CCDC85A: variants seen among roughly 807,000 people sequenced by gnomAD.
CCDC85A encodes coiled-coil domain containing 85A, also known as coiled-coil domain-containing protein 85A.
A neutral mutation model predicts 50.2 loss-of-function variants in CCDC85A; 38 were observed. The ratio of observed to expected loss-of-function variants is 0.76; its 90% CI spans 0.58 to 0.99. The LOEUF (loss-of-function observed/expected upper bound fraction) is 0.99. Among genes scored for constraint, CCDC85A ranks in the 50% least tolerant of loss-of-function variants. The pLI is 0.00. For synonymous variants in CCDC85A, 366 were observed against 301.4 expected, an observed-to-expected ratio of 1.21 and a Z score of -2.22; for missense variants, 820 against 742.0, an observed-to-expected ratio of 1.11 and a Z score of -1.22.
intron 2 of CCDC85A, among the ~76,000 whole-genome samples, chr2:56,262,477 C>T (rs376554106): frequency 6.6e-6 from 1 of 152,094 alleles, no homozygotes. Flanking sequence ...ATGAGAAGCC[C>T]TGGATTGTGA....
chr2:56,358,638 A>T (rs1481988314), intron 3 of CCDC85A, among the ~76,000 whole-genome samples: 1 of 152,228 alleles, frequency 6.6e-6, no homozygotes, highest in Non-Finnish European at 1.5e-5. Context: ...GTAAATGAAC[A>T]AGTGTGGCTG....
chr2:56,266,576 G>GCCC lies in CCDC85A; in HGVS notation c.1240+73137_1240+73138insCCC, dbSNP rs1445113304. 2.3e-4 allele frequency among the ~76,000 whole-genome samples: 14 copies of GCCC among 61,626 alleles called. 1 individual carries two copies. Among genetic ancestry groups the GCCC allele is most frequent in the East Asian group, 1.8e-3 (2 of 1,112 alleles). The allele number at this position is 61,626 out of a possible 152,430, so 40.4% of individuals were successfully genotyped here. On this transcript the variant is annotated intron_variant, in intron 2 of 5. Coordinates refer to ENST00000407595, the MANE Select transcript of CCDC85A (RefSeq NM_001080433.2). ...TATATAATTGTCAATTAACAATAAC[G>GCCC]CGCCCCCCCCCCCCATAATCTTCTT...
chr2:56,259,662 G>A (rs1011671641), intron 2 of CCDC85A, among the ~76,000 whole-genome samples: 1 of 152,148 alleles, frequency 6.6e-6, no homozygotes, highest in African/African-American at 2.4e-5. Flanking sequence ...TCAAAACTCT[G>A]CCTGCCTGGC....
In CCDC85A at chr2:56,256,850, G is replaced by T. The variant is rs1558609259; in HGVS notation, c.1240+63410G>T. The stretch of plus-strand genomic sequence containing the variant: ...CTGAAAAGATTAAAAAGTAAATCAG[G>T]TTCCAGTTGTAAAGTGTTGCTGAAT... On this transcript the variant is annotated intron_variant, in intron 2 of 5. Transcript: ENST00000407595. Among the ~76,000 whole-genome samples the T allele has an allele frequency of 3.3e-5, 5 of 152,182 alleles. No individual in the cohort carries two copies. In the South Asian group the frequency reaches 1.0e-3, roughly 32 times the overall value.
intron 2 of CCDC85A, among the ~76,000 whole-genome samples, chr2:56,339,718 T>G (rs1674261206): frequency 6.6e-6 from 1 of 152,172 alleles, no homozygotes. Flanking sequence ...CTGATGAACT[T>G]TTCACTTGGA....
chr2:56,285,480 T>C (rs1295932436), intron 2 of CCDC85A, among the ~76,000 whole-genome samples: 1 of 140,478 alleles, frequency 7.1e-6, no homozygotes, highest in Non-Finnish European at 1.5e-5. Context: ...TTATATTATA[T>C]TAATATTACA....
At chr2:56,328,490 C>T (rs763438125) in intron 2 of CCDC85A, among the ~76,000 whole-genome samples, 13 of 152,154 alleles carry the variant, frequency 8.5e-5, no homozygotes, top group South Asian at 2.1e-4. Context: ...AACAGCTCTT[C>T]GCTGTGGACT....
intron 2 of CCDC85A, among the ~76,000 whole-genome samples, chr2:56,263,661 G>C (rs1670313454): frequency 1.3e-5 from 2 of 152,210 alleles, no homozygotes; most frequent in Non-Finnish European, 2.9e-5. Flanking sequence ...AAAGATGAGT[G>C]GGATGACGTA....
rs148379166 is a variant in CCDC85A at position 56,309,254 on chromosome 2, A to G, written c.1241-33625A>G. On this transcript the variant is annotated intron_variant, in intron 2 of 5. Coordinates refer to ENST00000407595, the MANE Select transcript of CCDC85A (RefSeq NM_001080433.2). ...ATATGAGACCTTTCTGTGATGGTTC[A>G]AATTAGATTTCTTGACATCAGACCT... Among the ~76,000 whole-genome samples the G allele has an allele frequency of 3.4e-3, 518 of 152,318 alleles. 3 individuals carry two copies. Among genetic ancestry groups the G allele is most frequent in the African/African-American group, 0.012 (501 of 41,590 alleles).
chr2:56,206,676 C>A (rs1038738662), intron 2 of CCDC85A, among the ~76,000 whole-genome samples: 1 of 152,146 alleles, frequency 6.6e-6, no homozygotes, highest in Non-Finnish European at 1.5e-5. Context: ...TATTAGGCCT[C>A]ATCTCCCAAC....
chr2:56,305,863 TCTC>T (rs1672421522), intron 2 of CCDC85A, among the ~76,000 whole-genome samples: 1 of 152,238 alleles, frequency 6.6e-6, no homozygotes, highest in Admixed American at 6.5e-5. Flanking sequence ...ATAATCAAGT[TCTC>T]CTGCTTCCCA....
At chr2:56,247,433 G>C (rs932328374) in intron 2 of CCDC85A, among the ~76,000 whole-genome samples, 4 of 152,110 alleles carry the variant, frequency 2.6e-5, no homozygotes, top group African/African-American at 9.7e-5. Context: ...TATACATCAT[G>C]CAACTGGCAC....
intron 2 of CCDC85A, among the ~76,000 whole-genome samples, chr2:56,217,977 G>T (rs1668154595): frequency 6.6e-6 from 1 of 151,732 alleles, no homozygotes; most frequent in Admixed American, 6.6e-5. Context: ...AAGCATCATT[G>T]AATTGGTTTT....
intron 5 of CCDC85A, among the ~76,000 whole-genome samples, chr2:56,377,950 AC>A (rs553640969): frequency 7.9e-4 from 121 of 152,254 alleles, no homozygotes; most frequent in African/African-American, 2.6e-3. Flanking sequence ...TATTCAGTAC[AC>A]ATAAGTGTCC....
At chr2:56,190,377 C>A (rs1490382828) in intron 1 of CCDC85A, among the ~76,000 whole-genome samples, 1 of 152,152 alleles carries the variant, frequency 6.6e-6, no homozygotes, top group South Asian at 2.1e-4. Context: ...TTAAAAATTC[C>A]TTGGCTTCAG....
intron 2 of CCDC85A, among the ~76,000 whole-genome samples, chr2:56,252,722 G>A (rs888711314): frequency 4.6e-5 from 7 of 152,092 alleles, no homozygotes; most frequent in Admixed American, 3.3e-4. Flanking sequence ...AGGCCCCAGT[G>A]TGTGATGTTC....
At chr2:56,239,543 G>A (rs1669165468) in intron 2 of CCDC85A, among the ~76,000 whole-genome samples, 1 of 151,828 alleles carries the variant, frequency 6.6e-6, no homozygotes, top group Non-Finnish European at 1.5e-5. Flanking sequence ...AAACAGCTCT[G>A]TCCTACACAG....
At chr2:56,357,558 A>G (rs1675296070) in intron 3 of CCDC85A, among the ~76,000 whole-genome samples, 1 of 151,524 alleles carries the variant, frequency 6.6e-6, no homozygotes, top group Non-Finnish European at 1.5e-5. Context: ...TTTTGAAGGC[A>G]TGAGTCCTAC....
intron 2 of CCDC85A, among the ~76,000 whole-genome samples, chr2:56,194,536 G>A (rs887640304): frequency 2.0e-5 from 3 of 152,188 alleles, no homozygotes; most frequent in African/African-American, 7.2e-5. Context: ...TAGTGGAGGA[G>A]GCTGCCAGTT....
Sources: allele counts gnomAD v4.1 joint callset (sites outside exome capture counted in the v4.1 genomes callset), GRCh38; gene constraint gnomAD v4.1.1; transcripts MANE v1.5; gene names NCBI Gene and HGNC (gene_info 2026-07-23, HGNC 2026-07-21).